Variants in SLC44A5 observed in about 807,000 individuals in gnomAD.
SLC44A5 encodes solute carrier family 44 member 5, also known as choline transporter-like protein 5.
A neutral mutation model predicts 101.8 loss-of-function variants in SLC44A5; 57 were observed. That is an observed-to-expected ratio of 0.56 (90% CI 0.45 to 0.70). SLC44A5 has a LOEUF of 0.70. SLC44A5 is among the 30% of genes least tolerant of loss of function. SLC44A5 has a pLI of 0.00. For synonymous variants in SLC44A5, 281 were observed against 290.9 expected (o/e 0.97, Z 0.35); for missense variants, 737 against 853.1 (o/e 0.86, Z 1.70).
chr1:75,575,773 A>G (rs1316970897), intron 1 of SLC44A5, among the ~76,000 whole-genome samples: 1 of 152,218 alleles, frequency 6.6e-6, no homozygotes, highest in Non-Finnish European at 1.5e-5. Flanking sequence ...ACAAAAGAAT[A>G]CCTAAACAGC....
At chr1:75,533,109 C>A (rs574272475) in intron 2 of SLC44A5, among the ~76,000 whole-genome samples, 33 of 152,258 alleles carry the variant, frequency 2.2e-4, no homozygotes, top group Non-Finnish European at 4.4e-4. Flanking sequence ...GTAGACCCTG[C>A]TCAAGTTCTG....
intron 2 of SLC44A5, among the ~76,000 whole-genome samples, chr1:75,442,853 T>C (rs565711333): frequency 1.3e-5 from 2 of 152,166 alleles, no homozygotes; most frequent in South Asian, 4.1e-4. Flanking sequence ...ATGCTCTTGA[T>C]GCAATACTGT....
At chr1:75,219,552 G>GCCAAA (rs1251500356) in intron 15 of SLC44A5, among the ~76,000 whole-genome samples, 52 of 152,214 alleles carry the variant, frequency 3.4e-4, no homozygotes, top group Admixed American at 1.1e-3. Context: ...AAAATGTATA[G>GCCAAA]GAGCTTTCTT....
At chr1:75,702,028 A>C in the SLC44A5 span, among the ~76,000 whole-genome samples, 8 of 152,148 alleles carry the variant, frequency 5.3e-5, no homozygotes, top group Admixed American at 4.6e-4. Flanking sequence ...AAATGGAAGA[A>C]CATTCCATGC....
intron 2 of SLC44A5, among the ~76,000 whole-genome samples, chr1:75,529,420 A>G (rs1481607101): frequency 6.6e-6 from 1 of 152,160 alleles, no homozygotes. Context: ...TAGCACCCAC[A>G]CAGTCCATCT....
At chr1:75,327,581 C>T (rs983528439) in intron 4 of SLC44A5, among the ~76,000 whole-genome samples, 4 of 152,060 alleles carry the variant, frequency 2.6e-5, no homozygotes, top group African/African-American at 9.7e-5. Flanking sequence ...CTTCGATTAC[C>T]AAAATAGAGA....
the SLC44A5 span, among the ~76,000 whole-genome samples, chr1:75,682,450 A>G: frequency 4.0e-5 from 6 of 151,752 alleles, no homozygotes; most frequent in African/African-American, 1.2e-4. Context: ...AAATAATGCC[A>G]CATATCTACA....
At chr1:75,254,793 A>G (rs1417333429) in intron 6 of SLC44A5, among the ~76,000 whole-genome samples, 1 of 152,138 alleles carries the variant, frequency 6.6e-6, no homozygotes, top group African/African-American at 2.4e-5. Flanking sequence ...CAGAGAGATT[A>G]ATCGAAAGTT....
chr1:75,705,676 TTTTG>T, the SLC44A5 span, among the ~76,000 whole-genome samples: 23 of 152,210 alleles, frequency 1.5e-4, no homozygotes, highest in Non-Finnish European at 1.9e-4. Context: ...CCAGCTGTGT[TTTTG>T]TTTGTTTGTT....
intron 11 of SLC44A5, among the ~76,000 whole-genome samples, 159 bp downstream of exon 11, chr1:75,236,827 GA>G (rs1557559844): frequency 6.6e-6 from 1 of 151,996 alleles, no homozygotes; most frequent in Non-Finnish European, 1.5e-5. Context: ...CACCTCACCT[GA>G]AAAAGAAAAT....
chr1:75,410,625 G>T (rs1663213991), intron 2 of SLC44A5, among the ~76,000 whole-genome samples: 1 of 152,078 alleles, frequency 6.6e-6, no homozygotes, highest in Non-Finnish European at 1.5e-5. Context: ...TGGCAGGGGA[G>T]CTGAGAAAAG....
chr1:75,528,541 T>C (rs917768135), intron 2 of SLC44A5, among the ~76,000 whole-genome samples: 4 of 152,168 alleles, frequency 2.6e-5, no homozygotes, highest in African/African-American at 9.7e-5. Flanking sequence ...GCAAACATCT[T>C]CTTCTATGAA....
chr1:75,397,177 ACT>A (rs1475380116), intron 2 of SLC44A5, among the ~76,000 whole-genome samples: 1 of 152,082 alleles, frequency 6.6e-6, no homozygotes, highest in African/African-American at 2.4e-5. Context: ...ACTATGAATG[ACT>A]CTATTCAATT....
chr1:75,723,085 A>T, the SLC44A5 span, among the ~76,000 whole-genome samples: 2 of 152,110 alleles, frequency 1.3e-5, no homozygotes, highest in African/African-American at 4.8e-5. Context: ...CCTCTTTTGG[A>T]AAGTTCTAAG....
rs528021959 is a variant in SLC44A5 at position 75,260,452 on chromosome 1, G to C, written c.261-9158C>G. On this transcript the variant is annotated intron_variant, in intron 6 of 23. Transcript: ENST00000370859. ...AAGGGCATTACATACTGGTAAAGGG[G>C]TCAATGCAACAAGAAGCAGTAACCA... Among the ~76,000 whole-genome samples, 148 of 152,066 alleles carry C rather than the reference G, an allele frequency of 9.7e-4. 1 individual carries two copies. Among genetic ancestry groups the C allele is most frequent in the African/African-American group, 3.4e-3 (141 of 41,470 alleles).
At chr1:75,312,062 C>G (rs1019693940) in intron 4 of SLC44A5, among the ~76,000 whole-genome samples, 1 of 152,080 alleles carries the variant, frequency 6.6e-6, no homozygotes, top group African/African-American at 2.4e-5. Flanking sequence ...ATCATGGGGG[C>G]AGTTTCCCCC....
chr1:75,319,675 A>G (rs1267265315), intron 4 of SLC44A5, among the ~76,000 whole-genome samples: 1 of 152,216 alleles, frequency 6.6e-6, no homozygotes, highest in African/African-American at 2.4e-5. Flanking sequence ...CGAGGAGAAC[A>G]GACAAAAATA....
chr1:75,206,816 A>G (rs991569171), intron 23 of SLC44A5: 7 of 714,378 alleles, frequency 9.8e-6, no homozygotes, highest in African/African-American at 3.6e-5. Flanking sequence ...AAAATCAGAA[A>G]AATCAGTGTT....
At chr1:75,470,292 A>G (rs1667035063) in intron 2 of SLC44A5, among the ~76,000 whole-genome samples, 1 of 152,202 alleles carries the variant, frequency 6.6e-6, no homozygotes. Context: ...ATACTCAAAG[A>G]TGGAAGAGAA....
Sources: allele counts gnomAD v4.1 joint callset (sites outside exome capture counted in the v4.1 genomes callset), GRCh38; gene constraint gnomAD v4.1.1; transcripts MANE v1.5; gene names NCBI Gene and HGNC (gene_info 2026-07-23, HGNC 2026-07-21).